The following CHRNG variants were observed in gnomAD, a reference collection of about 807,000 sequenced individuals.
CHRNG encodes cholinergic receptor nicotinic gamma subunit, also known as acetylcholine receptor subunit gamma.
CHRNG carries 72 observed loss-of-function variants against 65.2 expected under a neutral mutation model. That is an observed-to-expected ratio of 1.10 (90% confidence interval 0.91 to 1.34). The LOEUF (loss-of-function observed/expected upper bound fraction) is 1.34. Ranked by LOEUF, CHRNG falls within the 40% of genes most tolerant of loss-of-function variation. The probability of loss-of-function intolerance (pLI) is 0.00; values close to 1 mark genes in which losing one functional copy is unlikely to be tolerated. For synonymous variants in CHRNG, 284 were observed against 290.2 expected (o/e 0.98, Z 0.22); for missense variants, 637 against 680.1 (o/e 0.94, Z 0.70).
chr2:232,544,462 C>A lies in CHRNG; in HGVS notation c.1131C>A (p.Gly377=). Residue 377 remains glycine (G), a synonymous_variant, in exon 10 of 12, where the codon GGC becomes GGA. Coordinates refer to ENST00000651502, the MANE Select transcript of CHRNG (RefSeq NM_005199.5). The part of the protein sequence containing the change: ...VQDTQSRLQN[G]SSGWSITTGE... The stretch of plus-strand genomic sequence containing the variant: ...ACACCCAGTCCCGGCTACAGAATGG[C>A]TCCTCGGGATGGTCGATCACAACTG... The A allele has an allele frequency of 6.2e-7, 1 of 1,613,748 alleles. No individual in the cohort carries two copies. Among genetic ancestry groups the A allele is most frequent in the Non-Finnish European group, 8.5e-7 (1 of 1,179,998 alleles).
chr2:232,547,702 C>T lies in CHRNG; in HGVS notation c.*1986C>T, dbSNP rs547212134. Among the ~76,000 whole-genome samples the T allele has an allele frequency of 6.6e-6, 1 of 152,192 alleles. No individual in the cohort carries two copies. On this transcript the variant is annotated 3_prime_UTR_variant, in exon 12 of 12. Transcript: ENST00000651502. ...GGAGAACTTCAATCAGGGAGGGAAT[C>T]TGATGACAGTGGGGCCATTTCCGGT...
chr2:232,542,831 T>G, intron 6 of CHRNG, 51 bp from the exon 7 acceptor site: 1 of 1,525,724 alleles, frequency 6.6e-7, no homozygotes, highest in Non-Finnish European at 9.0e-7. Flanking sequence ...TGCAGGGATC[T>G]GCCTAGCTCA....
intron 10 of CHRNG, 68 bp from the exon 11 acceptor site, chr2:232,544,704 G>A (rs1465119434): frequency 6.3e-7 from 1 of 1,598,346 alleles, no homozygotes; most frequent in African/African-American, 1.3e-5. Flanking sequence ...GGTCCCTAAG[G>A]AGAGGCCATC....
At chr2:232,544,330 T>G (rs1370323579) in intron 9 of CHRNG, 37 bp from the exon 10 acceptor site, 1 of 1,519,330 alleles carries the variant, frequency 6.6e-7, no homozygotes, top group African/African-American at 1.4e-5. Flanking sequence ...GCTCTGAAGC[T>G]CGGCCTGCTG....
chr2:232,543,497 T>G, intron 8 of CHRNG, 88 bp from the exon 9 acceptor site: 1 of 1,137,420 alleles, frequency 8.8e-7, no homozygotes, highest in Non-Finnish European at 1.2e-6. Context: ...CCATCCTCAA[T>G]TCAGGAGGCC....
At position 232,545,932 on chromosome 2, in the gene CHRNG, C is replaced by T. The variant is rs1692125362; in HGVS notation, c.*216C>T. ...GCCGTGGCTAGTGTCCTGCTGCAGTCAGCACACACGTGGGATTGGCTAGCT... is the reference window on the plus strand; with the variant it reads ...GCCGTGGCTAGTGTCCTGCTGCAGTTAGCACACACGTGGGATTGGCTAGCT... On this transcript the variant is annotated 3_prime_UTR_variant, in exon 12 of 12. Transcript: ENST00000651502. 5 of 647,594 alleles carry T rather than the reference C, an allele frequency of 7.7e-6. No individual in the cohort carries two copies. In the South Asian group the frequency reaches 8.7e-5, roughly 11 times the overall value. The allele number at this position is 647,594 out of a possible 1,614,324, so 40.1% of individuals were successfully genotyped here. A position where few individuals can be genotyped will look rare whatever the true frequency, so the allele number is the denominator to read the frequency against.
At position 232,541,513 on chromosome 2, in the gene CHRNG, T is replaced by A. The variant is rs1470485482; in HGVS notation, c.490T>A (p.Cys164Ser). ...VTYFPFDWQNCSLIFQSQTYS... is the reference protein window; with the variant it reads ...VTYFPFDWQNSSLIFQSQTYS... ...CTACTTCCCCTTCGACTGGCAGAAC[T>A]GCTCCCTTATCTTCCAGTGAGGCCA... The change falls in exon 5 of 12, where the codon TGC (cysteine) becomes AGC (serine). Residue 164 changes from cysteine (C) to serine (S), a missense_variant. Physicochemically the swap from Cys to Ser is moderately radical, Grantham distance 112. Coordinates refer to ENST00000651502, the MANE Select transcript of CHRNG (RefSeq NM_005199.5). This position sits in a 1 kb window ranked among gnomAD's most constrained non-coding sequence, Gnocchi z 4.0. 8.7e-6 allele frequency: 14 copies of A among 1,613,852 alleles called. No homozygotes were observed. The highest frequency in any genetic ancestry group is 1.2e-5 in the Non-Finnish European group (14 of 1,179,972).
rs898555521 is a variant in CHRNG, at chr2:232,540,530, G to C, written c.241-72G>C. 1.9e-6 allele frequency: 3 copies of C among 1,600,950 alleles called. No individual in the cohort carries two copies. The highest frequency in any genetic ancestry group is 2.6e-6 in the Non-Finnish European group (3 of 1,174,486). ...CGTTCCTGCCTCTTCTGTCCTCTTG[G>C]GCTGGATGCCCACTCCTAGGGCTGT... On this transcript the variant is annotated intron_variant, in intron 3 of 11. Transcript: ENST00000651502. This position sits in a 1 kb window ranked among gnomAD's most constrained non-coding sequence, Gnocchi z 4.2.
In CHRNG at chr2:232,541,065, G is replaced by A. The variant is rs1692004789; in HGVS notation, c.351-309G>A. On this transcript the variant is annotated intron_variant, in intron 4 of 11. Transcript: ENST00000651502. This position sits in a 1 kb window ranked among gnomAD's most constrained non-coding sequence, Gnocchi z 4.0. ...CATCACTCGGGGGCTGGCACATGGT[G>A]TGGGCTTAACACATTAGTCGCTATT... is the stretch of plus-strand genomic sequence containing the variant. 6.6e-6 allele frequency among the ~76,000 whole-genome samples: 1 copy of A among 152,028 alleles called. No homozygotes were observed. Among genetic ancestry groups the A allele is most frequent in the African/African-American group, 2.4e-5 (1 of 41,376 alleles).
Position 232,540,375 on chromosome 2 carries a change from C to A in CHRNG, c.196-6C>A. 6.2e-7 allele frequency: 1 copy of A among 1,614,014 alleles called. No homozygotes were observed. The highest frequency in any genetic ancestry group is 1.7e-5 in the Admixed American group (1 of 60,012). On this transcript the variant is annotated splice_region_variant and splice_polypyrimidine_tract_variant and intron_variant, in intron 2 of 11. Coordinates refer to ENST00000651502, the MANE Select transcript of CHRNG (RefSeq NM_005199.5). This position sits in a 1 kb window ranked among gnomAD's most constrained non-coding sequence, Gnocchi z 4.2. ...AGCCCTCCATACTACACCCTTGCAC[C>A]CCCAGAACGAGCGAGAGGAAGCCCT...
chr2:232,545,609 C>T lies in CHRNG; in HGVS notation c.1447C>T (p.Leu483Phe), dbSNP rs1370894896. Residue 483 changes from leucine (L) to phenylalanine (F), a missense_variant, in exon 12 of 12, where the codon CTC becomes TTC. By Grantham distance (22) the Leu-to-Phe change is conservative. Coordinates refer to ENST00000651502, the MANE Select transcript of CHRNG (RefSeq NM_005199.5). Reference protein sequence around the residue: ...DRVCFLAMLSLFICGTAGIFL... With the variant: ...DRVCFLAMLSFFICGTAGIFL... ...CGTCTGCTTCCTGGCCATGCTCTCG[C>T]TCTTCATCTGTGGCACAGCTGGCAT... 6.2e-7 allele frequency: 1 copy of T among 1,614,152 alleles called. No individual in the cohort carries two copies. The highest frequency in any genetic ancestry group is 8.5e-7 in the Non-Finnish European group (1 of 1,180,028).
At position 232,543,093 on chromosome 2, in the gene CHRNG, C is replaced by G; in HGVS notation, c.805+11C>G. ...TCCTTCCTGCCAAGGGTACCTGGAG[C>G]CTATGGGAAGGAGCCATCCAGTAGC... On this transcript the variant is annotated intron_variant, in intron 7 of 11. Transcript: ENST00000651502. The G allele has an allele frequency of 6.2e-7, 1 of 1,613,466 alleles. No homozygotes were observed. Among genetic ancestry groups the G allele is most frequent in the South Asian group, 1.1e-5 (1 of 91,072 alleles).
rs1164915183 is a variant in CHRNG, at chr2:232,543,394, G to A, written c.920+5G>A. 3 of 1,602,670 alleles carry A rather than the reference G, an allele frequency of 1.9e-6. No homozygotes were observed. Among genetic ancestry groups the A allele is most frequent in the Non-Finnish European group, 1.7e-6 (2 of 1,169,788 alleles). Reference sequence around the variant, plus strand: ...GGCGGTGCCACTCATCAGCAAGTAAGGCTGGTCTTCATGTCCACCCGCCTA... The same window carrying A: ...GGCGGTGCCACTCATCAGCAAGTAAAGCTGGTCTTCATGTCCACCCGCCTA... On this transcript the variant is annotated splice_donor_5th_base_variant and intron_variant, in intron 8 of 11. Coordinates refer to ENST00000651502, the MANE Select transcript of CHRNG (RefSeq NM_005199.5).
chr2:232,543,488 C>A (rs1482529348), intron 8 of CHRNG, 97 bp from the exon 9 acceptor site: 15 of 1,179,572 alleles, frequency 1.3e-5, no homozygotes, highest in African/African-American at 1.7e-5. Context: ...CCACCCCCCC[C>A]ATCCTCAATT....
intron 8 of CHRNG, 92 bp downstream of exon 8, chr2:232,543,481 C>CT: frequency 8.1e-6 from 8 of 984,920 alleles, no homozygotes; most frequent in Non-Finnish European, 8.6e-6. Flanking sequence ...CCTCCATCCA[C>CT]CCCCCCCATC....
Position 232,543,664 on chromosome 2 carries a change from CCA to C in CHRNG, c.1010_1011del (p.His337LeufsTer60). 8.1e-6 allele frequency: 13 copies of C among 1,612,982 alleles called. No homozygotes were observed. The highest frequency in any genetic ancestry group is 2.2e-5 in the South Asian group (2 of 91,060). ...TGTGCTCAATGTCTCCTTGCGGTCT[CCA>C]CACACACACTCCATGGCCCGAGGGG... The part of the protein sequence containing the change: ...VVVLNVSLRS[P>X]HTHSMARGVR... On this transcript the variant is annotated frameshift_variant, in exon 9 of 12. Coordinates refer to ENST00000651502, the MANE Select transcript of CHRNG (RefSeq NM_005199.5). LOFTEE classifies it high-confidence loss of function.
In CHRNG at chr2:232,547,564, A is replaced by C. The variant is rs1223144456; in HGVS notation, c.*1848A>C. On this transcript the variant is annotated 3_prime_UTR_variant, in exon 12 of 12. Coordinates refer to ENST00000651502, the MANE Select transcript of CHRNG (RefSeq NM_005199.5). ...TTGCTGTCTTTGGGATTCAATCACC[A>C]GCAAGTTCGTATTATTTACTCCAGT... Among the ~76,000 whole-genome samples the C allele has an allele frequency of 2.0e-5, 3 of 152,252 alleles. No individual in the cohort carries two copies. Among genetic ancestry groups the C allele is most frequent in the African/African-American group, 4.8e-5 (2 of 41,476 alleles).
At chr2:232,543,229 T>TG in intron 7 of CHRNG, 46 bp from the exon 8 acceptor site, 1 of 1,554,750 alleles carries the variant, frequency 6.4e-7, no homozygotes, top group Non-Finnish European at 8.9e-7. Context: ...CCTCTGTGGG[T>TG]GGGGGAGGTA....
chr2:232,545,792 C>T lies in CHRNG; in HGVS notation c.*76C>T. On this transcript the variant is annotated 3_prime_UTR_variant, in exon 12 of 12. Transcript: ENST00000651502. ...GAGTCTTATCAGCCACGTTCTCCTA[C>T]TGAGGTCCTAAGTGTGCTCTTTGGG... 3.3e-6 allele frequency: 5 copies of T among 1,514,212 alleles called. No individual in the cohort carries two copies. In the South Asian group the frequency reaches 5.6e-5, roughly 17 times the overall value. The allele number at this position is 1,514,212 out of a possible 1,614,324, so 93.8% of individuals were successfully genotyped here.
Sources: gnomAD v4.1 joint callset for allele counts (sites outside exome capture counted in the v4.1 genomes callset) on GRCh38, gnomAD v4.1.1 for gene constraint, Gnocchi (gnomAD v3.1) non-coding constraint, MANE v1.5 for transcripts, NCBI Gene and HGNC (gene_info 2026-07-23, HGNC 2026-07-21) for gene names.